The following R3HCC1L variants were observed in gnomAD, a reference collection of about 807,000 sequenced individuals.
R3HCC1L encodes coiled-coil domain-containing protein R3HCC1L.
In R3HCC1L, 51 loss-of-function variants were observed where a neutral mutation model predicts 59.9. The ratio of observed to expected loss-of-function variants is 0.85; its 90% CI spans 0.68 to 1.07. The LOEUF (loss-of-function observed/expected upper bound fraction) is 1.07, where lower values mean the gene tolerates loss of function less well. R3HCC1L is among the 50% of genes least tolerant of loss of function. The pLI is 0.00. For synonymous variants in R3HCC1L, 322 were observed against 315.2 expected, an observed-to-expected ratio of 1.02 and a Z score of -0.23; for missense variants, 965 against 933.0, an observed-to-expected ratio of 1.03 and a Z score of -0.45.
At chr10:98,218,653 G>C (rs1854500602) in intron 5 of R3HCC1L, among the ~76,000 whole-genome samples, 1 of 152,128 alleles carries the variant, frequency 6.6e-6, no homozygotes, top group Non-Finnish European at 1.5e-5. Flanking sequence ...TCCTGCAGTT[G>C]TTGGGTAAAG....
At chr10:98,178,417 G>A (rs1849269462) in intron 4 of R3HCC1L, among the ~76,000 whole-genome samples, 1 of 151,980 alleles carries the variant, frequency 6.6e-6, no homozygotes, top group African/African-American at 2.4e-5. Flanking sequence ...TGTTCCATTG[G>A]TCTATATCTC....
intron 5 of R3HCC1L, among the ~76,000 whole-genome samples, chr10:98,210,484 A>G (rs1853439785): frequency 6.6e-6 from 1 of 152,204 alleles, no homozygotes; most frequent in South Asian, 2.1e-4. Flanking sequence ...GATTTGAGGC[A>G]TCTTAGAAAT....
At chr10:98,234,601 G>A in intron 7 of R3HCC1L, 85 bp downstream of exon 7, 1 of 1,413,444 alleles carries the variant, frequency 7.1e-7, no homozygotes, top group Non-Finnish European at 9.9e-7. Flanking sequence ...ATTTGAGCAA[G>A]TTGGCATCTT....
intron 1 of R3HCC1L, among the ~76,000 whole-genome samples, chr10:98,142,953 CA>C (rs1307875333): frequency 1.4e-5 from 2 of 144,214 alleles, no homozygotes; most frequent in East Asian, 2.0e-4. Context: ...AACAAACAAA[CA>C]AAACAAAACA....
chr10:98,172,049 A>G (rs371520879), intron 4 of R3HCC1L, among the ~76,000 whole-genome samples: 2 of 152,210 alleles, frequency 1.3e-5, no homozygotes, highest in South Asian at 4.1e-4. Context: ...AATCTGTCCT[A>G]GTTTTAATCG....
Position 98,193,626 on chromosome 10 carries a change from C to T in R3HCC1L, c.-14-14475C>T, listed in dbSNP as rs79260803. ...TTAAAGATACAAAAATATGGAAAGA[C>T]ATAAATTGGTATTATTATGCTGAAA... On this transcript the variant is annotated intron_variant, in intron 4 of 9. Coordinates refer to ENST00000298999, the MANE Select transcript of R3HCC1L (RefSeq NM_001351015.2). Among the ~76,000 whole-genome samples the T allele has an allele frequency of 8.9e-3, 1,353 of 152,120 alleles. 25 individuals carry two copies. The highest frequency in any genetic ancestry group is 0.029 in the African/African-American group (1,214 of 41,516).
At chr10:98,185,680 G>A (rs889759265) in intron 4 of R3HCC1L, among the ~76,000 whole-genome samples, 7 of 152,194 alleles carry the variant, frequency 4.6e-5, no homozygotes, top group African/African-American at 1.7e-4. Flanking sequence ...AGGTAAGACT[G>A]GAGAAATTGG....
chr10:98,211,438 T>C (rs1375331038), intron 5 of R3HCC1L: 20 of 1,385,006 alleles, frequency 1.4e-5, no homozygotes, highest in Non-Finnish European at 1.9e-5. Flanking sequence ...CAGTAGAGGT[T>C]TGAGATCCAA....
At chr10:98,188,393 G>A (rs1850463573) in intron 4 of R3HCC1L, among the ~76,000 whole-genome samples, 1 of 152,136 alleles carries the variant, frequency 6.6e-6, no homozygotes, top group Non-Finnish European at 1.5e-5. Context: ...TATTCAGTAG[G>A]CATTCAGAGA....
chr10:98,174,856 T>C, intron 4 of R3HCC1L: 6 of 833,526 alleles, frequency 7.2e-6, no homozygotes, highest in Non-Finnish European at 8.7e-6. Flanking sequence ...AAAAAATTCT[T>C]ACATATTGAT....
chr10:98,156,077 G>A lies in R3HCC1L; in HGVS notation c.-267-16G>A, dbSNP rs1846841941. On this transcript the variant is annotated splice_polypyrimidine_tract_variant and intron_variant, in intron 1 of 9. Coordinates refer to ENST00000298999, the MANE Select transcript of R3HCC1L (RefSeq NM_001351015.2). ...ATTTTTTTTTTTTTTTTAATTCTTGGAAATTTCTCTTCTAGAGACTTCCAG... is the reference window on the plus strand; with the variant it reads ...ATTTTTTTTTTTTTTTTAATTCTTGAAAATTTCTCTTCTAGAGACTTCCAG... 6.7e-6 allele frequency: 1 copy of A among 150,114 alleles called. No individual in the cohort carries two copies. The highest frequency in any genetic ancestry group is 1.5e-5 in the Non-Finnish European group (1 of 67,630). The allele number at this position is 150,114 out of a possible 1,614,324, so 9.3% of individuals were successfully genotyped here.
intron 5 of R3HCC1L, among the ~76,000 whole-genome samples, chr10:98,219,783 A>G (rs745709523): frequency 5.9e-5 from 9 of 152,116 alleles, no homozygotes; most frequent in Non-Finnish European, 1.0e-4. Context: ...TATCCCTTCT[A>G]TGTAAGATTT....
At chr10:98,213,174 T>G (rs747429581) in intron 5 of R3HCC1L, among the ~76,000 whole-genome samples, 19 of 152,148 alleles carry the variant, frequency 1.2e-4, no homozygotes, top group Non-Finnish European at 2.2e-4. Flanking sequence ...AGGAAAGCCC[T>G]TCATATCCCA....
chr10:98,228,881 A>G (rs1206882486), intron 5 of R3HCC1L, among the ~76,000 whole-genome samples: 3 of 152,210 alleles, frequency 2.0e-5, no homozygotes, highest in Non-Finnish European at 2.9e-5. Context: ...TTTGTCAAAG[A>G]TCAGATAGTT....
In R3HCC1L at chr10:98,180,923, T is replaced by C. The variant is rs533836091; in HGVS notation, c.-15+17526T>C. Among the ~76,000 whole-genome samples the C allele has an allele frequency of 2.0e-5, 3 of 152,328 alleles. No homozygotes were observed. The East Asian group carries it at 5.8e-4, about 29-fold the overall frequency. ...CTTGGTAGATCTTCCTCAATCCCTT[T>C]ATTTTAAGCCTATGTGTGTCTCCGC... On this transcript the variant is annotated intron_variant, in intron 4 of 9. Coordinates refer to ENST00000298999, the MANE Select transcript of R3HCC1L (RefSeq NM_001351015.2).
chr10:98,205,461 A>G (rs1281139857), intron 4 of R3HCC1L, among the ~76,000 whole-genome samples: 5 of 152,220 alleles, frequency 3.3e-5, no homozygotes, highest in Non-Finnish European at 5.9e-5. Context: ...TTTAGTTATT[A>G]TATTGTAACT....
chr10:98,219,283 C>T (rs1288470766), intron 5 of R3HCC1L, among the ~76,000 whole-genome samples: 1 of 152,126 alleles, frequency 6.6e-6, no homozygotes, highest in Non-Finnish European at 1.5e-5. Flanking sequence ...CTTTTAGTTT[C>T]TGTTTGTGTG....
Position 98,231,631 on chromosome 10 carries a change from T to C in R3HCC1L, c.1905T>C (p.Tyr635=). 6.2e-7 allele frequency: 1 copy of C among 1,612,838 alleles called. No individual in the cohort carries two copies. The highest frequency in any genetic ancestry group is 8.5e-7 in the Non-Finnish European group (1 of 1,179,070). The change falls in exon 6 of 10, where the codon TAT becomes TAC. Residue 635 remains tyrosine, a synonymous_variant. Coordinates refer to ENST00000298999, the MANE Select transcript of R3HCC1L (RefSeq NM_001351015.2). ...AATTCCCACATGTCATTGAAATTTA[T>C]GACTTTCCCCAAGAATTTCATACTG... ...DCEFPHVIEI[Y]DFPQEFHTED...
Position 98,209,759 on chromosome 10 carries a change from G to A in R3HCC1L, c.1645G>A (p.Glu549Lys). The change falls in exon 5 of 10, where the codon GAA becomes AAA. Residue 549 changes from glutamate to lysine, a missense_variant. By Grantham distance (56) the Glu-to-Lys change is moderately conservative. Coordinates refer to ENST00000298999, the MANE Select transcript of R3HCC1L (RefSeq NM_001351015.2). ...IEFGVSFPDR[E>K]SSSMETSIEP... ...ATTTGGTGTATCTTTTCCTGATAGG[G>A]AATCATCATCTATGGAAACATCCAT... is the stretch of plus-strand genomic sequence containing the variant. 1 of 1,613,838 alleles carries A rather than the reference G, an allele frequency of 6.2e-7. No homozygotes were observed. The highest frequency in any genetic ancestry group is 1.7e-4 in the Middle Eastern group (1 of 6,060).
Sources: allele counts gnomAD v4.1 joint callset (sites outside exome capture counted in the v4.1 genomes callset), GRCh38; gene constraint gnomAD v4.1.1; transcripts MANE v1.5; gene names NCBI Gene and HGNC (gene_info 2026-07-23, HGNC 2026-07-21).